The following RBFOX1 variants were observed in gnomAD, a reference collection of about 807,000 sequenced individuals.
The protein encoded by RBFOX1 is RNA binding protein fox-1 homolog 1.
A neutral mutation model predicts 57.7 loss-of-function variants in RBFOX1; 8 were observed. The observed-to-expected ratio is 0.14, with a 90% confidence interval of 0.08 to 0.25. The LOEUF (loss-of-function observed/expected upper bound fraction) is 0.25, where lower values mean the gene tolerates loss of function less well. Among genes scored for constraint, RBFOX1 ranks in the 10% least tolerant of loss-of-function variants. RBFOX1 has a pLI of 1.00. For missense variants in RBFOX1, 611 were observed against 548.5 expected (o/e 1.11, Z -1.14); for synonymous variants, 326 against 222.4 (o/e 1.47, Z -4.15).
chr16:7,219,737 T>G (rs899032214), intron 4 of RBFOX1, among the ~76,000 whole-genome samples: 5 of 152,220 alleles, frequency 3.3e-5, no homozygotes, highest in Admixed American at 1.3e-4. Context: ...AAGAGTGGTA[T>G]TGGAATGACT....
intron 4 of RBFOX1, among the ~76,000 whole-genome samples, chr16:7,314,406 A>G (rs987033353): frequency 1.3e-5 from 2 of 152,164 alleles, no homozygotes; most frequent in African/African-American, 2.4e-5. Context: ...TCATAAATCA[A>G]AAGAATTTAG....
At chr16:5,955,693 C>T (rs1271609862) in intron 4 of RBFOX1, among the ~76,000 whole-genome samples, 1 of 152,054 alleles carries the variant, frequency 6.6e-6, no homozygotes, top group Non-Finnish European at 1.5e-5. Flanking sequence ...TTTTAAAATT[C>T]TTCTGGATAA....
chr16:7,376,408 C>G (rs757087931), intron 4 of RBFOX1, among the ~76,000 whole-genome samples: 4 of 152,170 alleles, frequency 2.6e-5, no homozygotes, highest in Non-Finnish European at 5.9e-5. Flanking sequence ...CTTTCATCCC[C>G]ATTTCACAGA....
chr16:6,965,793 C>G (rs988374416), intron 3 of RBFOX1, among the ~76,000 whole-genome samples: 21 of 152,132 alleles, frequency 1.4e-4, no homozygotes, highest in African/African-American at 5.1e-4. Flanking sequence ...CACTTAGGTC[C>G]TGTTCATTAG....
chr16:7,288,410 C>G (rs971037818), intron 4 of RBFOX1, among the ~76,000 whole-genome samples: 2 of 152,212 alleles, frequency 1.3e-5, no homozygotes, highest in Non-Finnish European at 1.5e-5. Context: ...TTCCCTCATT[C>G]TCAGCTTCCT....
chr16:6,610,422 G>T (rs1040107063), intron 2 of RBFOX1, among the ~76,000 whole-genome samples: 1 of 151,978 alleles, frequency 6.6e-6, no homozygotes, highest in Non-Finnish European at 1.5e-5. Context: ...CAACCTTGCC[G>T]GCTCAAGTGA....
intron 4 of RBFOX1, among the ~76,000 whole-genome samples, chr16:7,156,615 G>C (rs191695465): frequency 6.6e-6 from 1 of 151,872 alleles, no homozygotes; most frequent in Non-Finnish European, 1.5e-5. Flanking sequence ...ACATATATAT[G>C]TATATACATA....
rs538855628 is a variant in RBFOX1 at position 6,452,349 on chromosome 16, T to C, written c.-64+135292T>C. ...TCCCTTCCTTCCATGGCTCCATCCA[T>C]GGCTCCTTCCTTCCCTGGCTCTCTT... is the stretch of plus-strand genomic sequence containing the variant. On this transcript the variant is annotated intron_variant, in intron 2 of 15. Coordinates refer to ENST00000550418, the MANE Select transcript of RBFOX1 (RefSeq NM_018723.4). Among the ~76,000 whole-genome samples, 10 of 152,148 alleles carry C rather than the reference T, an allele frequency of 6.6e-5. No individual in the cohort carries two copies. The East Asian group carries it at 1.9e-3, about 30-fold the overall frequency.
At chr16:5,917,827 G>C (rs2058741980) in intron 4 of RBFOX1, among the ~76,000 whole-genome samples, 1 of 152,156 alleles carries the variant, frequency 6.6e-6, no homozygotes, top group South Asian at 2.1e-4. Flanking sequence ...ACTCTTCTCT[G>C]TTTGAAATGA....
intron 2 of RBFOX1, among the ~76,000 whole-genome samples, chr16:6,615,934 C>G (rs865830187): frequency 1.3e-5 from 2 of 152,182 alleles, no homozygotes; most frequent in Non-Finnish European, 2.9e-5. Context: ...GGTGCAGAAA[C>G]TATCTGTGAA....
intron 3 of RBFOX1, among the ~76,000 whole-genome samples, chr16:5,609,514 C>T (rs187863687): frequency 6.6e-5 from 10 of 152,150 alleles, no homozygotes; most frequent in South Asian, 2.1e-4. Flanking sequence ...AGGGCAGGAT[C>T]GTCCTGGAGT....
At chr16:5,971,231 G>A (rs2059955983) in intron 4 of RBFOX1, among the ~76,000 whole-genome samples, 1 of 152,198 alleles carries the variant, frequency 6.6e-6, no homozygotes, top group Non-Finnish European at 1.5e-5. Flanking sequence ...TATCACAGTG[G>A]TGAGGATGTA....
chr16:7,693,184 G>T (rs185606438), intron 14 of RBFOX1: 5 of 705,900 alleles, frequency 7.1e-6, no homozygotes, highest in Non-Finnish European at 5.1e-6. Flanking sequence ...AGGTACATCA[G>T]CACATTTCCT....
At chr16:7,677,516 G>C (rs1012452521) in intron 14 of RBFOX1, among the ~76,000 whole-genome samples, 9 of 152,110 alleles carry the variant, frequency 5.9e-5, no homozygotes, top group African/African-American at 1.9e-4. Context: ...GGCAGGTTGC[G>C]GGGGTGGGGT....
At chr16:6,864,036 A>T (rs1219718717) in intron 3 of RBFOX1, among the ~76,000 whole-genome samples, 2 of 146,378 alleles carry the variant, frequency 1.4e-5, no homozygotes, top group African/African-American at 2.5e-5. Context: ...ACCTCTAATT[A>T]ACCTGCCTAG....
chr16:6,610,861 G>T (rs971119924), intron 2 of RBFOX1, among the ~76,000 whole-genome samples: 2 of 152,154 alleles, frequency 1.3e-5, no homozygotes, highest in Admixed American at 1.3e-4. Context: ...CTGCCAAACT[G>T]TTCTTTTAAA....
rs999349268 is a variant in RBFOX1 at position 5,371,718 on chromosome 16, G to T, written c.220-95498G>T. ...GAAGGCTTGGTAATAAGCCCTGCTG[G>T]CCATGTGGTGAGGGTGACCGGCATT... On this transcript the variant is annotated intron_variant, in intron 1 of 2. Transcript: ENST00000585867. Among the ~76,000 whole-genome samples the T allele has an allele frequency of 3.9e-5, 6 of 152,196 alleles. 1 individual carries two copies. The highest frequency in any genetic ancestry group is 1.4e-4 in the African/African-American group (6 of 41,446).
intron 3 of RBFOX1, among the ~76,000 whole-genome samples, chr16:6,901,029 A>G (rs1212362974): frequency 2.0e-5 from 3 of 152,148 alleles, no homozygotes; most frequent in Admixed American, 1.3e-4. Flanking sequence ...ATTCACCGAC[A>G]TTATGTATAC....
In RBFOX1 at chr16:7,709,146, C is replaced by T. The variant is rs1312613134; in HGVS notation, c.1071+15C>T. 1 of 1,595,474 alleles carries T rather than the reference C, an allele frequency of 6.3e-7. No individual in the cohort carries two copies. Among genetic ancestry groups the T allele is most frequent in the Admixed American group, 1.7e-5 (1 of 59,628 alleles). On this transcript the variant is annotated intron_variant, in intron 15 of 15. Transcript: ENST00000550418. ...TTGGTGCCATGGTGAGTACAAGTTT[C>T]TCCTTGTCCTCACTTCCTCCTGCCT...
Sources: gnomAD v4.1 joint callset for allele counts (sites outside exome capture counted in the v4.1 genomes callset) on GRCh38, gnomAD v4.1.1 for gene constraint, MANE v1.5 for transcripts, NCBI Gene and HGNC (gene_info 2026-07-23, HGNC 2026-07-21) for gene names.